Variants in FIBCD1 observed in about 807,000 individuals in gnomAD.
The protein encoded by FIBCD1 is fibrinogen C domain-containing protein 1.
In FIBCD1, 47 loss-of-function variants were observed where a neutral mutation model predicts 45.1. That is an observed-to-expected ratio of 1.04 (90% CI 0.82 to 1.33). The LOEUF is 1.33. FIBCD1 is among the 40% of genes most tolerant of loss of function. FIBCD1 has a pLI of 0.00. For synonymous variants in FIBCD1, 313 were observed against 308.1 expected, an observed-to-expected ratio of 1.02 and a Z score of -0.17; for missense variants, 653 against 682.2, an observed-to-expected ratio of 0.96 and a Z score of 0.48.
intron 5 of FIBCD1, among the ~76,000 whole-genome samples, chr9:130,909,061 C>T (rs372754216): frequency 3.2e-4 from 49 of 152,254 alleles, no homozygotes; most frequent in African/African-American, 1.1e-3. Context: ...TGGTGCTTCC[C>T]GCCAGGCACG....
chr9:130,938,058 G>C (rs1382018968), intron 1 of FIBCD1: 3 of 153,832 alleles, frequency 2.0e-5, no homozygotes, highest in African/African-American at 7.2e-5. Flanking sequence ...TGTATGCAGG[G>C]CCCTGGCTAA....
rs1165199885 is a variant in FIBCD1 at position 130,930,066 on chromosome 9, GCACAGA to G, written c.73-26_73-21del. ...CGGCCGCTGCAGGCCCGCCCGGGAC[GCACAGA>G]CACAGACAGACAGACGGGAGAGAGA... is the stretch of plus-strand genomic sequence containing the variant. On this transcript the variant is annotated intron_variant, in intron 1 of 6. Transcript: ENST00000372338. 1.9e-5 allele frequency: 28 copies of G among 1,498,520 alleles called. No homozygotes were observed. Among genetic ancestry groups the G allele is most frequent in the South Asian group, 6.7e-5 (5 of 74,214 alleles). 92.8% of individuals were successfully genotyped at this position (1,498,520 alleles called of 1,614,324 possible).
chr9:130,924,137 G>A lies in FIBCD1; in HGVS notation c.712+100C>T, dbSNP rs995642076. ...GCAGGCCACATGGAAGTAGGGTCGGGCCCTGGAGTCTCATGGCTGGGGAAC... is the reference window on the plus strand; with the variant it reads ...GCAGGCCACATGGAAGTAGGGTCGGACCCTGGAGTCTCATGGCTGGGGAAC... On this transcript the variant is annotated intron_variant, in intron 3 of 6. Coordinates refer to ENST00000372338, the MANE Select transcript of FIBCD1 (RefSeq NM_032843.5). 8 of 1,415,202 alleles carry A rather than the reference G, an allele frequency of 5.7e-6. No homozygotes were observed. In the Admixed American group the frequency reaches 1.3e-4, roughly 23 times the overall value. 87.7% of individuals were successfully genotyped at this position (1,415,202 alleles called of 1,614,324 possible). A position where few individuals can be genotyped will look rare whatever the true frequency, so the allele number is the denominator to read the frequency against.
intron 4 of FIBCD1, among the ~76,000 whole-genome samples, chr9:130,913,261 CCTTTATTCTCCCT>C: frequency 1.9e-5 from 2 of 105,900 alleles, no homozygotes. Flanking sequence ...GCTTTATTCT[CCTTTATTCTCCCT>C]GCTTTATTCT....
intron 2 of FIBCD1, among the ~76,000 whole-genome samples, chr9:130,929,241 G>T (rs1832405950): frequency 6.6e-6 from 1 of 152,148 alleles, no homozygotes; most frequent in Non-Finnish European, 1.5e-5. Context: ...GGAATGCCCT[G>T]CCTCACCTGT....
upstream of FIBCD1, among the ~76,000 whole-genome samples, chr9:130,939,756 T>C (rs1457310597): frequency 1.3e-5 from 2 of 151,936 alleles, no homozygotes; most frequent in Admixed American, 1.3e-4. Flanking sequence ...AGGGGGCTTC[T>C]TAGTTGCCCC....
chr9:130,919,933 C>T (rs868387377), intron 4 of FIBCD1, among the ~76,000 whole-genome samples: 6 of 151,892 alleles, frequency 4.0e-5, no homozygotes, highest in African/African-American at 7.3e-5. Context: ...GCACTGCCCC[C>T]GGCAGATTGC....
chr9:130,907,211 G>C (rs1831944063), intron 5 of FIBCD1, among the ~76,000 whole-genome samples: 1 of 141,172 alleles, frequency 7.1e-6, no homozygotes, highest in African/African-American at 2.6e-5. Flanking sequence ...TGGGTTGAGT[G>C]ACAATTCATG....
chr9:130,924,432 GCTCTGTT>G, intron 2 of FIBCD1, 36 bp from the exon 3 acceptor site: 2 of 1,568,012 alleles, frequency 1.3e-6, no homozygotes, highest in Non-Finnish European at 1.7e-6. Context: ...GGGGGCAGGG[GCTCTGTT>G]GGGGGTGGGG....
At chr9:130,914,031 C>T (rs969995690) in intron 4 of FIBCD1, among the ~76,000 whole-genome samples, 1 of 152,184 alleles carries the variant, frequency 6.6e-6, no homozygotes, top group African/African-American at 2.4e-5. Context: ...GCACCCACGT[C>T]TGTAAAGCAG....
chr9:130,923,940 TG>T lies in FIBCD1; in HGVS notation c.713-61del, dbSNP rs571840018. 2.3e-4 allele frequency: 371 copies of T among 1,606,908 alleles called. 2 individuals are homozygous for T. In the African/African-American group the frequency reaches 4.4e-3, roughly 19 times the overall value. On this transcript the variant is annotated intron_variant, in intron 3 of 6. Coordinates refer to ENST00000372338, the MANE Select transcript of FIBCD1 (RefSeq NM_032843.5). ...CCCAGCACGTTCCTGCCCAGCCCCC[TG>T]GCCAAACTGTCTGTCCATCGATAAT...
intron 1 of FIBCD1, among the ~76,000 whole-genome samples, chr9:130,932,170 C>T (rs775396691): frequency 1.3e-4 from 20 of 152,218 alleles, no homozygotes; most frequent in Admixed American, 5.2e-4. Flanking sequence ...ACAGATGCCT[C>T]TTACATCATT....
chr9:130,910,980 C>T (rs962879998), intron 5 of FIBCD1, among the ~76,000 whole-genome samples: 2 of 152,172 alleles, frequency 1.3e-5, no homozygotes, highest in African/African-American at 2.4e-5. Flanking sequence ...ACCAATCAGC[C>T]CCCTGTCAAA....
At position 130,929,934 on chromosome 9, in the gene FIBCD1, G is replaced by C. The variant is rs1217839714; in HGVS notation, c.185C>G (p.Thr62Arg). ...LFLNHAHAPG[T>R]APPPVVSTGA... is the part of the protein sequence containing the mutation. ...AGTGCTGACGACAGGTGGGGGCGCC[G>C]TGCCCGGCGCGTGGGCGTGGTTCAG... is the stretch of plus-strand genomic sequence containing the variant. The change falls in exon 2 of 7, where the codon ACG becomes AGG. Residue 62 changes from threonine to arginine, a missense_variant. Physicochemically the swap from Thr to Arg is moderately conservative, Grantham distance 71 (BLOSUM62 -1). Transcript: ENST00000372338. The C allele has an allele frequency of 6.5e-7, 1 of 1,549,028 alleles. No homozygotes were observed. Among genetic ancestry groups the C allele is most frequent in the Non-Finnish European group, 8.7e-7 (1 of 1,146,272 alleles).
upstream of FIBCD1, among the ~76,000 whole-genome samples, chr9:130,940,184 G>C (rs1278006651): frequency 2.0e-5 from 3 of 152,240 alleles, no homozygotes; most frequent in Non-Finnish European, 2.9e-5. Context: ...AGACTGGTTG[G>C]GGGTGGGGGC....
intron 4 of FIBCD1, among the ~76,000 whole-genome samples, chr9:130,917,950 C>T (rs564171909): frequency 3.9e-5 from 6 of 152,124 alleles, no homozygotes; most frequent in Non-Finnish European, 5.9e-5. Flanking sequence ...CAACAGGATA[C>T]GTGGCTTCTC....
At chr9:130,935,191 T>C (rs1028439732) in intron 1 of FIBCD1, among the ~76,000 whole-genome samples, 3 of 152,174 alleles carry the variant, frequency 2.0e-5, no homozygotes, top group African/African-American at 7.2e-5. Flanking sequence ...GAAATGTTCT[T>C]AGAAATTTTG....
intron 4 of FIBCD1, among the ~76,000 whole-genome samples, chr9:130,912,304 G>A (rs2133079994): frequency 6.6e-6 from 1 of 151,552 alleles, no homozygotes; most frequent in Middle Eastern, 3.4e-3. Context: ...TACTTGAGAG[G>A]CTGAGGCAGA....
chr9:130,923,702 C>G, intron 4 of FIBCD1, 42 bp downstream of exon 4: 1 of 1,603,824 alleles, frequency 6.2e-7, no homozygotes, highest in Non-Finnish European at 8.5e-7. Context: ...CCTCACGGTC[C>G]CCGGTGCCTG....
Sources: gnomAD v4.1 joint callset for allele counts (sites outside exome capture counted in the v4.1 genomes callset) on GRCh38, gnomAD v4.1.1 for gene constraint, MANE v1.5 for transcripts, NCBI Gene and HGNC (gene_info 2026-07-23, HGNC 2026-07-21) for gene names.